The following MICALL1 variants were observed in gnomAD, a reference collection of about 807,000 sequenced individuals.
MICALL1 encodes MICAL-like protein 1.
Under a neutral mutation model 83.7 loss-of-function variants are expected in MICALL1, and 61 were observed. The ratio of observed to expected loss-of-function variants is 0.73; its 90% CI spans 0.59 to 0.90. The LOEUF is 0.90. Among genes scored for constraint, MICALL1 ranks in the 40% least tolerant of loss-of-function variants. MICALL1 has a pLI of 0.00. For synonymous variants in MICALL1, 481 were observed against 473.6 expected (o/e 1.02, Z -0.20); for missense variants, 1,066 against 1,152.0 (o/e 0.93, Z 1.08).
At chr22:37,926,115 T>G in intron 8 of MICALL1, 72 bp downstream of exon 8, 1 of 1,475,002 alleles carries the variant, frequency 6.8e-7, no homozygotes, top group Non-Finnish European at 9.0e-7. Context: ...GGAGGGGGTG[T>G]GGTGGGGCAG....
rs535832412 is a variant in MICALL1, at chr22:37,942,431, CTT to C, written c.*1603_*1604del. The C allele has an allele frequency of 2.0e-5, 3 of 152,068 alleles. No individual in the cohort carries two copies. The highest frequency in any genetic ancestry group is 2.9e-5 in the Non-Finnish European group (2 of 68,038). The allele number at this position is 152,068 out of a possible 1,614,324, so 9.4% of individuals were successfully genotyped here. ...AATGTGGGCCCGGTGTTGCCAGATC[CTT>C]TGTCATAAGAAGCTAGAAATCCAGA... On this transcript the variant is annotated 3_prime_UTR_variant, in exon 16 of 16. Transcript: ENST00000215957.
At chr22:37,931,979 A>G in intron 10 of MICALL1, 46 bp downstream of exon 10, 3 of 1,593,622 alleles carry the variant, frequency 1.9e-6, no homozygotes, top group Non-Finnish European at 2.6e-6. Context: ...TGGGCTGGCA[A>G]CCCCCACTCT....
At chr22:37,914,040 T>G (rs1928511755) in intron 3 of MICALL1, among the ~76,000 whole-genome samples, 1 of 151,884 alleles carries the variant, frequency 6.6e-6, no homozygotes, top group Non-Finnish European at 1.5e-5. Context: ...CATGTCCGGC[T>G]AATTTTTGTA....
At chr22:37,918,845 T>C (rs1188081929) in intron 4 of MICALL1, among the ~76,000 whole-genome samples, 191 bp from the exon 5 acceptor site, 1 of 152,250 alleles carries the variant, frequency 6.6e-6, no homozygotes, top group South Asian at 2.1e-4. Context: ...TTTGGCTTCC[T>C]CACCTGGGAG....
At position 37,922,418 on chromosome 22, in the gene MICALL1, T is replaced by C. The variant is rs1372565446; in HGVS notation, c.1016T>C (p.Leu339Pro). 3 of 1,525,304 alleles carry C rather than the reference T, an allele frequency of 2.0e-6. No homozygotes were observed. 94.5% of individuals were successfully genotyped at this position (1,525,304 alleles called of 1,614,324 possible). A position where few individuals can be genotyped will look rare whatever the true frequency, so the allele number is the denominator to read the frequency against. ...NLVEQAGSSS[L>P]VNGRLHELPV... ...GTGGAGCAGGCTGGCAGCAGCAGCC[T>C]GGTGAACGGTGAGCAGGGTGCAGTC... is the stretch of plus-strand genomic sequence containing the variant. Residue 339 changes from leucine (L) to proline (P), a missense_variant, in exon 6 of 16, where the codon CTG (leucine) becomes CCG (proline). By Grantham distance (98) the Leu-to-Pro change is moderately conservative (BLOSUM62 -3). Coordinates refer to ENST00000215957, the MANE Select transcript of MICALL1 (RefSeq NM_033386.4).
intron 1 of MICALL1, chr22:37,907,371 T>C (rs1157945243): frequency 6.6e-6 from 1 of 152,304 alleles, no homozygotes; most frequent in Non-Finnish European, 1.5e-5. Context: ...CATGGGAAAA[T>C]GCATTCAGAC....
chr22:37,922,342 C>G lies in MICALL1; in HGVS notation c.940C>G (p.Pro314Ala). 6.6e-7 allele frequency: 1 copy of G among 1,525,880 alleles called. No homozygotes were observed. Among genetic ancestry groups the G allele is most frequent in the Non-Finnish European group, 8.8e-7 (1 of 1,137,828 alleles). The allele number at this position is 1,525,880 out of a possible 1,614,324, so 94.5% of individuals were successfully genotyped here. A position where few individuals can be genotyped will look rare whatever the true frequency, so the allele number is the denominator to read the frequency against. Residue 314 changes from proline (P) to alanine (A), a missense_variant, in exon 6 of 16, where the codon CCA becomes GCA. Coordinates refer to ENST00000215957, the MANE Select transcript of MICALL1 (RefSeq NM_033386.4). ...CAGGAAGGCCTCTGAGAGCACCACC[C>G]CAGCACCCCCCACGCCCCGGCCCCG... ...APRKASESTT[P>A]APPTPRPRSS...
At position 37,927,690 on chromosome 22, in the gene MICALL1, C is replaced by A. The variant is rs1207756438; in HGVS notation, c.1745C>A (p.Ala582Asp). ...ATGCCTCAAGCCAGCCCTGGCCTTG[C>A]CCCCAGGACCAGGGGCAGCTCAGGT... ...EQMPQASPGL[A>D]PRTRGSSGPQ... Residue 582 changes from alanine to aspartate, a missense_variant, in exon 9 of 16, where the codon GCC becomes GAC. Ala to Asp is a moderately radical substitution (Grantham distance 126). Transcript: ENST00000215957. 6.2e-7 allele frequency: 1 copy of A among 1,614,118 alleles called. No homozygotes were observed.
intron 15 of MICALL1, among the ~76,000 whole-genome samples, chr22:37,939,578 A>G (rs1930318802): frequency 6.6e-6 from 1 of 150,788 alleles, no homozygotes; most frequent in South Asian, 2.1e-4. Flanking sequence ...GTTCGAGACC[A>G]GCCTGGCCAG....
rs752103943 is a variant in MICALL1, at chr22:37,925,830, A to G, written c.1252A>G (p.Ser418Gly). 1.2e-5 allele frequency: 20 copies of G among 1,613,814 alleles called. No individual in the cohort carries two copies. Among genetic ancestry groups the G allele is most frequent in the African/African-American group, 2.7e-5 (2 of 74,926 alleles). ...GGTGGCCCAGCCGAGCCCAACGGCC[A>G]GCCTGGAGTCCAAACCCTATAACCC... ...EEVAQPSPTA[S>G]LESKPYNPFE... is the part of the protein sequence containing the mutation. Residue 418 changes from serine to glycine, a missense_variant, in exon 8 of 16, where the codon AGC (serine) becomes GGC (glycine). Transcript: ENST00000215957.
intron 13 of MICALL1, among the ~76,000 whole-genome samples, chr22:37,934,328 A>G: frequency 6.6e-6 from 1 of 152,140 alleles, no homozygotes; most frequent in Non-Finnish European, 1.5e-5. Context: ...TCACTGTGTG[A>G]CACTGGTCAA....
intron 1 of MICALL1, among the ~76,000 whole-genome samples, chr22:37,909,440 G>C (rs2145873387): frequency 6.7e-6 from 1 of 149,618 alleles, no homozygotes; most frequent in Admixed American, 6.6e-5. Context: ...CTCACTGCAA[G>C]CTCCACCTCT....
At chr22:37,940,242 T>C (rs1045228552) in intron 15 of MICALL1, among the ~76,000 whole-genome samples, 20 of 151,234 alleles carry the variant, frequency 1.3e-4, no homozygotes, top group African/African-American at 4.9e-4. Flanking sequence ...TGGCTAACAG[T>C]GAAACCCCAT....
chr22:37,938,063 G>T (rs952727399), intron 15 of MICALL1, among the ~76,000 whole-genome samples: 2 of 152,164 alleles, frequency 1.3e-5, no homozygotes, highest in Non-Finnish European at 2.9e-5. Flanking sequence ...TCTTCCCAGG[G>T]TGGATTTGCC....
intron 15 of MICALL1, among the ~76,000 whole-genome samples, chr22:37,938,391 G>GACT (rs772157734): frequency 2.7e-3 from 350 of 127,362 alleles, no homozygotes; most frequent in Middle Eastern, 5.8e-3. Context: ...GACAGAGCGA[G>GACT]ACTCAGTCTC....
chr22:37,925,496 C>G (rs1290682892), intron 7 of MICALL1, among the ~76,000 whole-genome samples, 165 bp from the exon 8 acceptor site: 4 of 152,110 alleles, frequency 2.6e-5, no homozygotes. Flanking sequence ...AAGGCTGTGA[C>G]TGTAACATTC....
At chr22:37,937,648 T>C in intron 14 of MICALL1, 98 bp from the exon 15 acceptor site, 1 of 1,259,904 alleles carries the variant, frequency 7.9e-7, no homozygotes, top group Non-Finnish European at 1.1e-6. Context: ...GATCTCGAAC[T>C]CCTGACTTCA....
At chr22:37,910,523 A>T (rs950442147) in intron 1 of MICALL1, among the ~76,000 whole-genome samples, 6 of 152,254 alleles carry the variant, frequency 3.9e-5, no homozygotes, top group African/African-American at 1.4e-4. Flanking sequence ...TCGCACTCTG[A>T]GGCAGTGGCA....
chr22:37,937,063 C>T lies in MICALL1; in HGVS notation c.2309-17C>T, dbSNP rs1930168329. On this transcript the variant is annotated splice_polypyrimidine_tract_variant and intron_variant, in intron 13 of 15. Transcript: ENST00000215957. ...CTTTCCTACCACTCATGCCCCCTAA[C>T]TTTTCTCCCTGGGCAGAAAAGGACT... is the stretch of plus-strand genomic sequence containing the variant. 6 of 1,550,540 alleles carry T rather than the reference C, an allele frequency of 3.9e-6. No individual in the cohort carries two copies. The highest frequency in any genetic ancestry group is 5.2e-6 in the Non-Finnish European group (6 of 1,146,112).
Sources: gnomAD v4.1 joint callset for allele counts (sites outside exome capture counted in the v4.1 genomes callset) on GRCh38, gnomAD v4.1.1 for gene constraint, MANE v1.5 for transcripts, NCBI Gene and HGNC (gene_info 2026-07-23, HGNC 2026-07-21) for gene names.